The following NT5E variants were observed in gnomAD, a reference collection of about 807,000 sequenced individuals.
NT5E encodes 5'-nucleotidase ecto.
In NT5E, 53 loss-of-function variants were observed where a neutral mutation model predicts 55.1. That is an observed-to-expected ratio of 0.96 (90% CI 0.77 to 1.21). The LOEUF is 1.21. Ranked by LOEUF, NT5E falls within the 50% of genes most tolerant of loss-of-function variation. NT5E has a pLI of 0.00. For missense variants in NT5E, 683 were observed against 724.3 expected, an observed-to-expected ratio of 0.94 and a Z score of 0.65; for synonymous variants, 270 against 278.4, an observed-to-expected ratio of 0.97 and a Z score of 0.30.
At position 85,472,771 on chromosome 6, in the gene NT5E, A is replaced by G. The variant is rs997449455; in HGVS notation, c.751+1346A>G. ...AAAGTTGGCCTTCACTTAAGAAAAT[A>G]CCAGTATGAATGTGTGCTAATTAAA... On this transcript the variant is annotated intron_variant, in intron 3 of 8. Transcript: ENST00000257770. 2.0e-5 allele frequency among the ~76,000 whole-genome samples: 3 copies of G among 152,226 alleles called. No individual in the cohort carries two copies. In the East Asian group the frequency reaches 5.8e-4, roughly 29 times the overall value.
chr6:85,467,249 A>C lies in NT5E; in HGVS notation c.529A>C (p.Thr177Pro). 6.2e-7 allele frequency: 1 copy of C among 1,614,170 alleles called. No individual in the cohort carries two copies. ...GDEVVGIVGY[T>P]SKETPFLSNP... ...TGAAGTTGTGGGAATCGTTGGATAC[A>C]CTTCCAAAGAAACCCCTTTTCTCTC... Residue 177 changes from threonine (T) to proline (P), a missense_variant, in exon 2 of 9, where the codon ACT (threonine) becomes CCT (proline). Thr to Pro is a conservative substitution (Grantham distance 38). Coordinates refer to ENST00000257770, the MANE Select transcript of NT5E (RefSeq NM_002526.4).
In NT5E at chr6:85,450,157, G is replaced by T; in HGVS notation, c.18G>T (p.Ala6=). MCPRA[A]RAPATLLLAL... Reference sequence around the variant, plus strand: ...CCACAGCTATGTGTCCCCGAGCCGCGCGGGCGCCCGCGACGCTACTCCTCG... The same window carrying T: ...CCACAGCTATGTGTCCCCGAGCCGCTCGGGCGCCCGCGACGCTACTCCTCG... The change falls in exon 1 of 9, where the codon GCG becomes GCT. Residue 6 remains alanine (A), a synonymous_variant. Coordinates refer to ENST00000257770, the MANE Select transcript of NT5E (RefSeq NM_002526.4). The surrounding 1 kb of genome is among the most constrained non-coding windows in gnomAD (Gnocchi z 4.0). 1 of 1,588,582 alleles carries T rather than the reference G, an allele frequency of 6.3e-7. No homozygotes were observed.
intron 1 of NT5E, among the ~76,000 whole-genome samples, chr6:85,453,954 C>A (rs1359168661): frequency 6.6e-6 from 1 of 152,172 alleles, no homozygotes; most frequent in Non-Finnish European, 1.5e-5. Flanking sequence ...TAATGGCATA[C>A]CCAGTCCTGT....
intron 3 of NT5E, among the ~76,000 whole-genome samples, chr6:85,476,507 G>A (rs1250661265): frequency 6.6e-6 from 1 of 152,134 alleles, no homozygotes; most frequent in East Asian, 1.9e-4. Flanking sequence ...AGCCGCAGAG[G>A]GCATGTGTTA....
chr6:85,471,239 A>G lies in NT5E; in HGVS notation c.565A>G (p.Thr189Ala). The G allele has an allele frequency of 6.2e-7, 1 of 1,603,854 alleles. No homozygotes were observed. Among genetic ancestry groups the G allele is most frequent in the Non-Finnish European group, 8.5e-7 (1 of 1,173,454 alleles). ...ATTTTATTTATTTTGTTCCTTAGGG[A>G]CAAATTTAGTGTTTGAAGATGAAAT... ...KETPFLSNPG[T>A]NLVFEDEITA... is the part of the protein sequence containing the mutation. Residue 189 changes from threonine to alanine, a missense_variant and splice_region_variant, in exon 3 of 9, where the codon ACA becomes GCA. Coordinates refer to ENST00000257770, the MANE Select transcript of NT5E (RefSeq NM_002526.4).
chr6:85,463,244 G>A (rs1769128015), intron 1 of NT5E, among the ~76,000 whole-genome samples: 1 of 152,072 alleles, frequency 6.6e-6, no homozygotes, highest in South Asian at 2.1e-4. Flanking sequence ...AAGTGCATTT[G>A]GTGAAGTTTA....
At chr6:85,461,539 G>T (rs532065851) in intron 1 of NT5E, among the ~76,000 whole-genome samples, 1 of 152,210 alleles carries the variant, frequency 6.6e-6, no homozygotes, top group Admixed American at 6.5e-5. Context: ...TGGGAAATGG[G>T]TGTCTCCAGA....
At chr6:85,456,449 G>T (rs1422042290) in intron 1 of NT5E, among the ~76,000 whole-genome samples, 1 of 152,200 alleles carries the variant, frequency 6.6e-6, no homozygotes, top group African/African-American at 2.4e-5. Context: ...TCTGAAGTGG[G>T]GGCAGTCTTG....
At chr6:85,476,345 T>C (rs1424681295) in intron 3 of NT5E, among the ~76,000 whole-genome samples, 1 of 152,212 alleles carries the variant, frequency 6.6e-6, no homozygotes, top group East Asian at 1.9e-4. Flanking sequence ...GGTTGTCTTG[T>C]TTACTCATCC....
intron 3 of NT5E, among the ~76,000 whole-genome samples, chr6:85,477,034 C>T (rs774278286): frequency 6.6e-6 from 1 of 152,160 alleles, no homozygotes; most frequent in African/African-American, 2.4e-5. Context: ...CCCTTTTCTA[C>T]CTAGTATTTC....
Position 85,474,147 on chromosome 6 carries a change from A to G in NT5E, c.751+2722A>G, listed in dbSNP as rs78412406. 4.5e-3 allele frequency among the ~76,000 whole-genome samples: 682 copies of G among 152,348 alleles called. 4 individuals are homozygous for G. Among genetic ancestry groups the G allele is most frequent in the African/African-American group, 0.016 (655 of 41,572 alleles). ...CTCAAGTCCCTTATATAAATGGTGTAGCATTTGCATATGACCTGTGCACAT... is the reference window on the plus strand; with the variant it reads ...CTCAAGTCCCTTATATAAATGGTGTGGCATTTGCATATGACCTGTGCACAT... On this transcript the variant is annotated intron_variant, in intron 3 of 8. Coordinates refer to ENST00000257770, the MANE Select transcript of NT5E (RefSeq NM_002526.4).
chr6:85,465,018 A>G (rs1432233752), intron 1 of NT5E, among the ~76,000 whole-genome samples: 6 of 152,200 alleles, frequency 3.9e-5, no homozygotes, highest in Admixed American at 1.3e-4. Context: ...ATACAGATCT[A>G]GACGTCAGGA....
At position 85,464,427 on chromosome 6, in the gene NT5E, G is replaced by A. The variant is rs527351170; in HGVS notation, c.340-2633G>A. On this transcript the variant is annotated intron_variant, in intron 1 of 8. Coordinates refer to ENST00000257770, the MANE Select transcript of NT5E (RefSeq NM_002526.4). ...TCACTGCCATTCCAGAGGAAACTGC[G>A]GTTCTGAGATGTGCCCTGGGTCACT... 9.9e-5 allele frequency among the ~76,000 whole-genome samples: 15 copies of A among 152,196 alleles called. No individual in the cohort carries two copies. In the South Asian group the frequency reaches 2.5e-3, roughly 25 times the overall value.
chr6:85,493,830 T>G lies in NT5E; in HGVS notation c.1562-11T>G, dbSNP rs202005798. Reference sequence around the variant, plus strand: ...TTTTCTGTAGTTAAAATAATGTATATGTTTTTCTAGGTGACCAAGATATCA... The same window carrying G: ...TTTTCTGTAGTTAAAATAATGTATAGGTTTTTCTAGGTGACCAAGATATCA... On this transcript the variant is annotated splice_polypyrimidine_tract_variant and intron_variant, in intron 8 of 8. Transcript: ENST00000257770. 1.2e-6 allele frequency: 2 copies of G among 1,606,286 alleles called. No individual in the cohort carries two copies. The highest frequency in any genetic ancestry group is 3.3e-5 in the Admixed American group (2 of 60,000).
intron 1 of NT5E, among the ~76,000 whole-genome samples, chr6:85,451,487 C>G (rs532953289): frequency 6.6e-6 from 1 of 152,016 alleles, no homozygotes; most frequent in East Asian, 1.9e-4. Context: ...TAAGTACAAC[C>G]AAGATGTATA....
intron 3 of NT5E, among the ~76,000 whole-genome samples, chr6:85,475,396 T>C (rs1769409580): frequency 6.6e-6 from 1 of 152,242 alleles, no homozygotes; most frequent in South Asian, 2.1e-4. Context: ...TGTTGAAAGT[T>C]ATTCCAGTTT....
Position 85,467,344 on chromosome 6 carries a change from A to C in NT5E, c.562+62A>C, listed in dbSNP as rs1769217692. 1.4e-5 allele frequency: 19 copies of C among 1,352,946 alleles called. 1 individual carries two copies. In the South Asian group the frequency reaches 1.7e-4, roughly 12 times the overall value. 83.8% of individuals were successfully genotyped at this position (1,352,946 alleles called of 1,614,324 possible). Reference sequence around the variant, plus strand: ...TAGATGCCCTAAATCACAGCTTGGCATTATATTTATGGACTGTAGATAAAA... The same window carrying C: ...TAGATGCCCTAAATCACAGCTTGGCCTTATATTTATGGACTGTAGATAAAA... On this transcript the variant is annotated intron_variant, in intron 2 of 8. Transcript: ENST00000257770.
chr6:85,478,477 C>T (rs1769478674), intron 3 of NT5E, among the ~76,000 whole-genome samples: 1 of 152,120 alleles, frequency 6.6e-6, no homozygotes, highest in Admixed American at 6.6e-5. Context: ...CTCATTTCTC[C>T]AGCTTTCACT....
chr6:85,457,565 CGT>C (rs1194786412), intron 1 of NT5E, among the ~76,000 whole-genome samples: 3 of 152,094 alleles, frequency 2.0e-5, no homozygotes, highest in Non-Finnish European at 4.4e-5. Context: ...GGAGAGATAG[CGT>C]AGGTCTTTCA....
Sources: gnomAD v4.1 joint callset for allele counts (sites outside exome capture counted in the v4.1 genomes callset) on GRCh38, gnomAD v4.1.1 for gene constraint, Gnocchi (gnomAD v3.1) non-coding constraint, MANE v1.5 for transcripts, NCBI Gene and HGNC (gene_info 2026-07-23, HGNC 2026-07-21) for gene names.